The following AGBL1 variants were observed in gnomAD, a reference collection of about 807,000 sequenced individuals.
The protein encoded by AGBL1 is AGBL carboxypeptidase 1, also known as cytosolic carboxypeptidase 4.
A neutral mutation model predicts 118.9 loss-of-function variants in AGBL1; 130 were observed. The ratio of observed to expected loss-of-function variants is 1.09; its 90% CI spans 0.95 to 1.26. The LOEUF (loss-of-function observed/expected upper bound fraction) is 1.26, where lower values mean the gene tolerates loss of function less well. Among genes scored for constraint, AGBL1 ranks in the 50% most tolerant of loss-of-function variants. The probability of loss-of-function intolerance (pLI) is 0.00; values close to 1 mark genes in which losing one functional copy is unlikely to be tolerated. For synonymous variants in AGBL1, 555 were observed against 478.9 expected, an observed-to-expected ratio of 1.16 and a Z score of -2.08; for missense variants, 1,584 against 1,298.1, an observed-to-expected ratio of 1.22 and a Z score of -3.38.
chr15:86,232,569 G>T (rs1410160378), intron 6 of AGBL1, among the ~76,000 whole-genome samples: 1 of 152,178 alleles, frequency 6.6e-6, no homozygotes, highest in Non-Finnish European at 1.5e-5. Flanking sequence ...GAGGAGGCAG[G>T]GTGAGCAGAG....
At chr15:86,972,101 C>G (rs1479378271) in intron 23 of AGBL1, among the ~76,000 whole-genome samples, 6 of 151,986 alleles carry the variant, frequency 3.9e-5, no homozygotes, top group Non-Finnish European at 8.8e-5. Flanking sequence ...TGTAGCAATA[C>G]AAAAACGAAC....
intron 23 of AGBL1, among the ~76,000 whole-genome samples, chr15:86,945,444 A>T (rs1432110739): frequency 1.3e-5 from 2 of 151,886 alleles, no homozygotes; most frequent in African/African-American, 4.8e-5. Flanking sequence ...CGAGGCAGGT[A>T]GACGGCTTGA....
chr15:86,296,823 C>G (rs531809144), intron 17 of AGBL1: 1 of 152,238 alleles, frequency 6.6e-6, no homozygotes, highest in East Asian at 1.9e-4. Flanking sequence ...AGCAATCCTC[C>G]CAGGGTAACT....
chr15:86,363,099 T>G (rs186748824), intron 17 of AGBL1, among the ~76,000 whole-genome samples: 38 of 152,154 alleles, frequency 2.5e-4, no homozygotes, highest in African/African-American at 8.9e-4. Flanking sequence ...TTGGTAAGAC[T>G]GCCACTGGGA....
intron 23 of AGBL1, among the ~76,000 whole-genome samples, chr15:86,967,444 GT>G (rs1170379263): frequency 2.0e-5 from 3 of 152,058 alleles, no homozygotes; most frequent in Non-Finnish European, 4.4e-5. Flanking sequence ...TTCTTCTAGG[GT>G]TTTTATGGTT....
chr15:87,015,031 G>T (rs755616477), intron 24 of AGBL1, among the ~76,000 whole-genome samples: 28 of 152,054 alleles, frequency 1.8e-4, no homozygotes, highest in Non-Finnish European at 3.2e-4. Flanking sequence ...TCAGCTTGGG[G>T]CCCTGATGGA....
At chr15:86,332,637 C>T (rs1246943386) in intron 17 of AGBL1, among the ~76,000 whole-genome samples, 2 of 116,678 alleles carry the variant, frequency 1.7e-5, no homozygotes, top group Non-Finnish European at 3.5e-5. Context: ...CAGAGTGAGA[C>T]TCCATCTCAA....
At chr15:86,210,647 C>T (rs1461690652) in intron 5 of AGBL1, among the ~76,000 whole-genome samples, 2 of 152,146 alleles carry the variant, frequency 1.3e-5, no homozygotes, top group Admixed American at 6.5e-5. Context: ...GTTCTTGTGC[C>T]ATGGTTTTCA....
intron 23 of AGBL1, among the ~76,000 whole-genome samples, chr15:86,946,988 T>TTAAG (rs1368088621): frequency 6.6e-6 from 1 of 152,184 alleles, no homozygotes; most frequent in African/African-American, 2.4e-5. Context: ...CATATGGGCT[T>TTAAG]TAAGTTCTTC....
At chr15:86,944,709 C>A (rs185617567) in intron 23 of AGBL1, among the ~76,000 whole-genome samples, 1 of 152,116 alleles carries the variant, frequency 6.6e-6, no homozygotes, top group Non-Finnish European at 1.5e-5. Context: ...ATTTTTAATA[C>A]CTTCAATTCA....
At chr15:86,870,945 G>A (rs1411971381) in intron 22 of AGBL1, among the ~76,000 whole-genome samples, 2 of 152,130 alleles carry the variant, frequency 1.3e-5, no homozygotes, top group Admixed American at 6.5e-5. Context: ...TTCCTTAGTC[G>A]ACTTGACAGA....
chr15:86,793,932 TA>T (rs2078534373), intron 22 of AGBL1, among the ~76,000 whole-genome samples: 1 of 152,086 alleles, frequency 6.6e-6, no homozygotes, highest in African/African-American at 2.4e-5. Flanking sequence ...ATGACCATAA[TA>T]AAAAATATGG....
At chr15:86,473,655 A>G (rs1344812772) in intron 18 of AGBL1, among the ~76,000 whole-genome samples, 3 of 152,220 alleles carry the variant, frequency 2.0e-5, no homozygotes, top group Non-Finnish European at 2.9e-5. Flanking sequence ...ACTACATAGA[A>G]GGCATTTTAT....
At chr15:86,483,118 T>A (rs1448819929) in intron 18 of AGBL1, among the ~76,000 whole-genome samples, 2 of 152,066 alleles carry the variant, frequency 1.3e-5, no homozygotes, top group African/African-American at 4.8e-5. Context: ...TATGCTCAAC[T>A]GAGCTGCATG....
intron 22 of AGBL1, among the ~76,000 whole-genome samples, chr15:86,709,237 T>C (rs2086510550): frequency 1.3e-5 from 2 of 152,174 alleles, no homozygotes; most frequent in Non-Finnish European, 2.9e-5. Context: ...CATCAGTCTA[T>C]AGTGACCTCC....
intron 22 of AGBL1, among the ~76,000 whole-genome samples, chr15:86,818,447 T>A (rs2078895782): frequency 1.3e-5 from 2 of 152,168 alleles, no homozygotes; most frequent in African/African-American, 4.8e-5. Flanking sequence ...CTGAGGAGAA[T>A]CTAATGCCTA....
chr15:86,559,970 T>G (rs746410337), intron 21 of AGBL1, among the ~76,000 whole-genome samples: 2 of 152,142 alleles, frequency 1.3e-5, no homozygotes, highest in Non-Finnish European at 2.9e-5. Context: ...AATTTTCTTA[T>G]TTATAATAGG....
At chr15:86,120,886 G>A (rs1898054506) in intron 1 of AGBL1, among the ~76,000 whole-genome samples, 1 of 149,616 alleles carries the variant, frequency 6.7e-6, no homozygotes, top group South Asian at 2.1e-4. Context: ...TTAAGTTCTT[G>A]TTTGCTTTTA....
At chr15:86,217,401 G>A (rs1260081529) in intron 5 of AGBL1, among the ~76,000 whole-genome samples, 1 of 152,146 alleles carries the variant, frequency 6.6e-6, no homozygotes, top group Non-Finnish European at 1.5e-5. Flanking sequence ...AAGTGGTAGG[G>A]GTAGAATAGT....
Sources: allele counts gnomAD v4.1 joint callset (sites outside exome capture counted in the v4.1 genomes callset), GRCh38; gene constraint gnomAD v4.1.1; transcripts MANE v1.5; gene names NCBI Gene and HGNC (gene_info 2026-07-23, HGNC 2026-07-21).